ELF1: variants seen among roughly 807,000 people sequenced by gnomAD.
ELF1 encodes E74 like ETS transcription factor 1, also known as ETS-related transcription factor Elf-1.
Under a neutral mutation model 59.9 loss-of-function variants are expected in ELF1, and 24 were observed. That is an observed-to-expected ratio of 0.40 (90% CI 0.29 to 0.56). ELF1 has a LOEUF of 0.56. Among genes scored for constraint, ELF1 ranks in the 20% least tolerant of loss-of-function variants. The pLI is 0.44. For synonymous variants in ELF1, 248 were observed against 266.2 expected (o/e 0.93, Z 0.67); for missense variants, 627 against 742.2 (o/e 0.84, Z 1.80).
intron 2 of ELF1, among the ~76,000 whole-genome samples, chr13:40,974,745 A>G (rs898520810): frequency 7.9e-5 from 12 of 152,154 alleles, no homozygotes; most frequent in Admixed American, 2.0e-4. Flanking sequence ...AAAAAGAGTA[A>G]TAAGTTCCTA....
At chr13:41,054,002 A>G (rs1489763259) in intron 1 of ELF1, among the ~76,000 whole-genome samples, 2 of 152,178 alleles carry the variant, frequency 1.3e-5, no homozygotes, top group East Asian at 3.8e-4. Flanking sequence ...TGTTTGATAT[A>G]TTTCTCAAAA....
upstream of ELF1, among the ~76,000 whole-genome samples, chr13:41,024,289 T>TTTTG (rs139837622): frequency 1.4e-4 from 21 of 151,774 alleles, no homozygotes; most frequent in Non-Finnish European, 2.5e-4. Flanking sequence ...CCACTGCTGT[T>TTTTG]TTTGTTTGTT....
In ELF1 at chr13:41,060,956, C is replaced by CG. The variant is rs1555283749; in HGVS notation, c.-348_-347insC. The CG allele has an allele frequency of 3.7e-5, 13 of 352,040 alleles. 1 individual carries two copies. The highest frequency in any genetic ancestry group is 2.7e-4 in the African/African-American group (12 of 45,086). The allele number at this position is 352,040 out of a possible 1,614,324, so 21.8% of individuals were successfully genotyped here. On this transcript the variant is annotated 5_prime_UTR_variant, in exon 1 of 2. Transcript: ENST00000405737. ...CCGCCGCCGCCGCCGCTGCTGCTGC[C>CG]CACACGCTCCCGAGCTAGGGAACAA... is the stretch of plus-strand genomic sequence containing the variant.
Position 40,976,501 on chromosome 13 carries a change from T to C in ELF1, c.72+5482A>G, listed in dbSNP as rs1872911304. Among the ~76,000 whole-genome samples, 2 of 152,196 alleles carry C rather than the reference T, an allele frequency of 1.3e-5. 1 individual carries two copies. The highest frequency in any genetic ancestry group is 1.3e-4 in the Admixed American group (2 of 15,268). On this transcript the variant is annotated intron_variant, in intron 2 of 8. Coordinates refer to ENST00000239882, the MANE Select transcript of ELF1 (RefSeq NM_172373.4). ...CCCAAACACTGCATGAAAAAATCAC[T>C]GGGCAGCTTGTATAAAAGACAGCAA...
rs1264642493 is a variant in ELF1 at position 40,933,754 on chromosome 13, T to G, written c.1531A>C (p.Asn511His). The G allele has an allele frequency of 1.2e-6, 2 of 1,614,262 alleles. No homozygotes were observed. Among genetic ancestry groups the G allele is most frequent in the South Asian group, 1.1e-5 (1 of 91,092 alleles). ...PAQVQQVLTS[N>H]VQTICNGTVS... ...GTTCCATTGCAAATGGTCTGAACAT[T>G]GCTAGTAAGGACCTGCTGAACCTGG... Residue 511 changes from asparagine to histidine, a missense_variant, in exon 9 of 9, where the codon AAT becomes CAT. Physicochemically the swap from Asn to His is moderately conservative, Grantham distance 68. Transcript: ENST00000239882.
chr13:40,960,381 T>G (rs1379737943), intron 2 of ELF1, among the ~76,000 whole-genome samples: 2 of 152,232 alleles, frequency 1.3e-5, no homozygotes, highest in African/African-American at 2.4e-5. Flanking sequence ...AGTTCTTTGC[T>G]CTTTGTCTTT....
intron 2 of ELF1, among the ~76,000 whole-genome samples, chr13:40,963,634 C>T (rs191163844): frequency 1.3e-5 from 2 of 152,262 alleles, no homozygotes; most frequent in Admixed American, 1.3e-4. Flanking sequence ...AGGTGCTGGG[C>T]GCAGTGGCTC....
At chr13:41,028,216 CCT>C (rs1876017800) in intron 1 of ELF1, among the ~76,000 whole-genome samples, 1 of 152,158 alleles carries the variant, frequency 6.6e-6, no homozygotes, top group African/African-American at 2.4e-5. Flanking sequence ...GCTCCTCATG[CCT>C]CTGAGTCAAC....
Position 40,991,252 on chromosome 13 carries a change from C to G in ELF1, c.-228-8970G>C, listed in dbSNP as rs76708872. ...GGATCCTGGGACAGGAAAGGGACAT[C>G]AGGTTAAAAACTAAGGAAATCTGAA... is the stretch of plus-strand genomic sequence containing the variant. On this transcript the variant is annotated intron_variant, in intron 1 of 8. Coordinates refer to ENST00000239882, the MANE Select transcript of ELF1 (RefSeq NM_172373.4). Among the ~76,000 whole-genome samples the G allele has an allele frequency of 2.0e-4, 30 of 152,284 alleles. No homozygotes were observed. In the East Asian group the frequency reaches 5.2e-3, roughly 26 times the overall value.
intron 6 of ELF1, 143 bp downstream of exon 6, chr13:40,943,699 T>C (rs1447133522): frequency 3.5e-6 from 2 of 567,504 alleles, no homozygotes; most frequent in East Asian, 3.2e-5. Context: ...TTTTAAGAAT[T>C]TGGCAAATGT....
intron 1 of ELF1, among the ~76,000 whole-genome samples, chr13:41,001,862 C>G (rs1043410442): frequency 6.6e-6 from 1 of 151,850 alleles, no homozygotes. Context: ...ACAGCAAGAC[C>G]TTGCTTCAAA....
chr13:41,039,435 C>A (rs1876520899), intron 1 of ELF1, among the ~76,000 whole-genome samples: 1 of 150,990 alleles, frequency 6.6e-6, no homozygotes, highest in Admixed American at 6.6e-5. Flanking sequence ...AAATCTCTTG[C>A]TTCACTTAAA....
At chr13:40,997,167 C>T (rs535500888) in intron 1 of ELF1, among the ~76,000 whole-genome samples, 3 of 152,300 alleles carry the variant, frequency 2.0e-5, no homozygotes, top group East Asian at 3.9e-4. Flanking sequence ...ATTCCTTGTG[C>T]ACAAAACTTC....
chr13:40,973,993 T>C (rs774235719), intron 2 of ELF1, among the ~76,000 whole-genome samples: 32 of 152,104 alleles, frequency 2.1e-4, no homozygotes, highest in Non-Finnish European at 4.1e-4. Context: ...AGAAAGTAGA[T>C]TAGTAGTTCC....
At chr13:40,983,689 G>GAA (rs141544096) in intron 1 of ELF1, among the ~76,000 whole-genome samples, 13 of 150,528 alleles carry the variant, frequency 8.6e-5, no homozygotes, top group Non-Finnish European at 1.5e-4. Context: ...CTAGAAGAGG[G>GAA]AAAAAAAAAG....
chr13:41,058,536 T>G (rs1216331894), intron 1 of ELF1, among the ~76,000 whole-genome samples: 1 of 152,244 alleles, frequency 6.6e-6, no homozygotes, highest in African/African-American at 2.4e-5. Context: ...GATAAATCTG[T>G]GTTTTATACA....
At chr13:40,943,252 T>C in intron 6 of ELF1, 108 bp from the exon 7 acceptor site, 1 of 982,006 alleles carries the variant, frequency 1.0e-6, no homozygotes, top group Non-Finnish European at 1.4e-6. Flanking sequence ...TACAAAAATA[T>C]TACATAATTC....
intron 1 of ELF1, among the ~76,000 whole-genome samples, chr13:41,016,216 T>C (rs1875350675): frequency 6.6e-6 from 1 of 152,160 alleles, no homozygotes; most frequent in African/African-American, 2.4e-5. Flanking sequence ...CTTTTGTGCT[T>C]TTTGTTTTTT....
At chr13:41,023,201 TAA>T (rs1875755451), upstream of ELF1, among the ~76,000 whole-genome samples, 1 of 152,214 alleles carries the variant, frequency 6.6e-6, no homozygotes, top group African/African-American at 2.4e-5. Context: ...ACAGAATTTA[TAA>T]AAAGAATTTA....
Sources: gnomAD v4.1 joint callset for allele counts (sites outside exome capture counted in the v4.1 genomes callset) on GRCh38, gnomAD v4.1.1 for gene constraint, MANE v1.5 for transcripts, NCBI Gene and HGNC (gene_info 2026-07-23, HGNC 2026-07-21) for gene names.